The following DUSP15 variants were observed in gnomAD, a reference collection of about 807,000 sequenced individuals.
DUSP15 encodes the protein dual specificity phosphatase 15, also known as dual specificity protein phosphatase 15.
A neutral mutation model predicts 26.3 loss-of-function variants in DUSP15; 23 were observed. That is an observed-to-expected ratio of 0.87 (90% confidence interval 0.63 to 1.24). The LOEUF is 1.24. Among genes scored for constraint, DUSP15 ranks in the 50% most tolerant of loss-of-function variants. DUSP15 has a pLI of 0.00. For synonymous variants in DUSP15, 143 were observed against 135.5 expected (o/e 1.06, Z -0.39); for missense variants, 364 against 320.6 (o/e 1.14, Z -1.03).
intron 6 of DUSP15, among the ~76,000 whole-genome samples, chr20:31,854,534 G>A (rs2062528865): frequency 6.6e-6 from 1 of 152,222 alleles, no homozygotes; most frequent in Non-Finnish European, 1.5e-5. Context: ...GTTCATGGCT[G>A]TGGTCTCCAA....
At chr20:31,850,093 G>A (rs2062442715) in intron 7 of DUSP15, among the ~76,000 whole-genome samples, 1 of 152,220 alleles carries the variant, frequency 6.6e-6, no homozygotes, top group African/African-American at 2.4e-5. Context: ...CGAGCTCTGC[G>A]GTTAAAAGCT....
At chr20:31,868,936 G>A (rs1288199731) in intron 2 of DUSP15, among the ~76,000 whole-genome samples, 2 of 152,214 alleles carry the variant, frequency 1.3e-5, no homozygotes, top group African/African-American at 4.8e-5. Context: ...GGATGAGAGA[G>A]TGGGGAATGC....
chr20:31,848,092 G>A (rs1334828838), exon 10 of DUSP15: 2 of 357,592 alleles, frequency 5.6e-6, no homozygotes, highest in African/African-American at 4.3e-5. Context: ...AGCAGGTTAA[G>A]GCTGGCTCTG....
intron 3 of DUSP15, among the ~76,000 whole-genome samples, chr20:31,865,584 C>T (rs758922697): frequency 6.6e-5 from 10 of 152,136 alleles, no homozygotes; most frequent in East Asian, 3.9e-4. Context: ...TTGCTTTTCT[C>T]GAGAAACTGT....
chr20:31,853,305 G>C lies in DUSP15; in HGVS notation c.427-2629C>G, dbSNP rs57433301. Among the ~76,000 whole-genome samples the C allele has an allele frequency of 8.9e-4, 136 of 152,184 alleles. 3 individuals carry two copies. In the East Asian group the frequency reaches 0.025, roughly 28 times the overall value. ...AAAGAAAAAATAAATAGAGTGATGG[G>C]ATATAAAATCATGGCAGTGGTTTGC... On this transcript the variant is annotated intron_variant, in intron 6 of 9. Coordinates refer to the DUSP15 transcript ENST00000278979.
chr20:31,870,471 G>T lies in DUSP15; in HGVS notation c.-134C>A. 7.5e-7 allele frequency: 1 copy of T among 1,337,510 alleles called. No homozygotes were observed. The allele number at this position is 1,337,510 out of a possible 1,614,324, so 82.9% of individuals were successfully genotyped here. A position where few individuals can be genotyped will look rare whatever the true frequency, so the allele number is the denominator to read the frequency against. Reference sequence around the variant, plus strand: ...CGGGGGGCCTGGCGTCCGCGGCCCTGCCCAGCCCTGCCCAGCCACCGCCAC... The same window carrying T: ...CGGGGGGCCTGGCGTCCGCGGCCCTTCCCAGCCCTGCCCAGCCACCGCCAC... On this transcript the variant is annotated 5_prime_UTR_variant, in exon 1 of 7. Coordinates refer to ENST00000339738, the MANE Select transcript of DUSP15 (RefSeq NM_080611.5). This position sits in a 1 kb window ranked among gnomAD's most constrained non-coding sequence, Gnocchi z 6.6.
chr20:31,854,038 C>T (rs1568664701), intron 6 of DUSP15, among the ~76,000 whole-genome samples: 1 of 152,146 alleles, frequency 6.6e-6, no homozygotes, highest in Non-Finnish European at 1.5e-5. Flanking sequence ...GGCAAAGGGC[C>T]TGCAGTGAAA....
chr20:31,848,594 A>ACCCT, intron 9 of DUSP15: 1 of 1,538,078 alleles, frequency 6.5e-7, no homozygotes, highest in Non-Finnish European at 8.7e-7. Flanking sequence ...CGATGAGCAG[A>ACCCT]CCCTCTCCAT....
At chr20:31,863,802 G>T in intron 5 of DUSP15, 105 bp downstream of exon 5, 2 of 1,138,702 alleles carry the variant, frequency 1.8e-6, no homozygotes, top group South Asian at 1.4e-5. Flanking sequence ...ACAGGCTGGA[G>T]AAGATCCCTC....
chr20:31,865,123 G>A, intron 3 of DUSP15, 121 bp from the exon 4 acceptor site: 1 of 1,047,778 alleles, frequency 9.5e-7, no homozygotes, highest in Non-Finnish European at 1.5e-6. Context: ...GGCCCACTGT[G>A]GTCCTCTCTG....
intron 9 of DUSP15, chr20:31,848,771 C>T: frequency 6.3e-7 from 1 of 1,586,028 alleles, no homozygotes; most frequent in Non-Finnish European, 8.6e-7. Context: ...GACTGGAGGG[C>T]GTGCTTCTTG....
intron 2 of DUSP15, 84 bp downstream of exon 2, chr20:31,869,480 T>C: frequency 6.5e-7 from 1 of 1,534,982 alleles, no homozygotes; most frequent in Non-Finnish European, 8.9e-7. Flanking sequence ...ATTCCTGAGA[T>C]GCATGGGCCA....
intron 2 of DUSP15, among the ~76,000 whole-genome samples, chr20:31,867,637 T>G (rs969139435): frequency 1.4e-4 from 4 of 28,072 alleles, no homozygotes; most frequent in South Asian, 1.2e-3. Context: ...CAATGTTTTT[T>G]TTTTTTTTTT....
chr20:31,858,379 G>C (rs920448366), downstream of DUSP15, among the ~76,000 whole-genome samples: 1 of 152,194 alleles, frequency 6.6e-6, no homozygotes, highest in Non-Finnish European at 1.5e-5. This position sits in a 1 kb window ranked among gnomAD's most constrained non-coding sequence, Gnocchi z 4.4. Context: ...GCCAGGTCTT[G>C]GGCTTGCAGT....
At chr20:31,862,032 C>T (rs961229506) in intron 6 of DUSP15, among the ~76,000 whole-genome samples, 2 of 152,118 alleles carry the variant, frequency 1.3e-5, no homozygotes, top group African/African-American at 4.8e-5. Context: ...CAACCCCATT[C>T]CCACAGATTT....
downstream of DUSP15, among the ~76,000 whole-genome samples, chr20:31,846,942 G>A (rs2062383749): frequency 6.6e-6 from 1 of 152,162 alleles, no homozygotes; most frequent in Non-Finnish European, 1.5e-5. Flanking sequence ...GTAGGGATAT[G>A]AACATGGCTG....
chr20:31,861,721 CG>C, intron 6 of DUSP15, 46 bp from the exon 7 acceptor site: 1 of 1,310,918 alleles, frequency 7.6e-7, no homozygotes, highest in South Asian at 1.7e-5. Flanking sequence ...CGGCGCGGGG[CG>C]GGGTCAAGGC....
chr20:31,847,508 A>G (rs1013496396), downstream of DUSP15: 8 of 152,236 alleles, frequency 5.3e-5, no homozygotes, highest in Admixed American at 6.5e-5. Flanking sequence ...TCCTTTATCG[A>G]ATCACAGTTT....
At chr20:31,851,411 G>T (rs534113712) in intron 6 of DUSP15, among the ~76,000 whole-genome samples, 1 of 152,250 alleles carries the variant, frequency 6.6e-6, no homozygotes, top group Admixed American at 6.5e-5. Flanking sequence ...GGAGCCGGAG[G>T]TGATGGAGCT....
Sources: allele counts gnomAD v4.1 joint callset (sites outside exome capture counted in the v4.1 genomes callset), GRCh38; gene constraint gnomAD v4.1.1; non-coding constraint Gnocchi (gnomAD v3.1); transcripts MANE v1.5; gene names NCBI Gene and HGNC (gene_info 2026-07-23, HGNC 2026-07-21).